Variants in CHST11 observed in about 807,000 individuals in gnomAD.
CHST11 encodes carbohydrate sulfotransferase 11, also known as C4S-1.
A neutral mutation model predicts 30.4 loss-of-function variants in CHST11; 9 were observed. That is an observed-to-expected ratio of 0.30 (90% CI 0.18 to 0.52). The LOEUF (loss-of-function observed/expected upper bound fraction) is 0.52. Among genes scored for constraint, CHST11 ranks in the 20% least tolerant of loss-of-function variants. CHST11 has a pLI of 0.97. For missense variants in CHST11, 348 were observed against 460.6 expected (o/e 0.76, Z 2.24); for synonymous variants, 152 against 187.8 (o/e 0.81, Z 1.56).
chr12:104,481,178 C>T (rs1351500127), intron 1 of CHST11, among the ~76,000 whole-genome samples: 1 of 152,176 alleles, frequency 6.6e-6, no homozygotes, highest in Non-Finnish European at 1.5e-5. Context: ...AAACCCAAAT[C>T]CTTAGCCTGA....
chr12:104,487,742 A>T (rs1319933500), intron 1 of CHST11, among the ~76,000 whole-genome samples: 6 of 138,594 alleles, frequency 4.3e-5, no homozygotes, highest in Admixed American at 7.1e-5. Context: ...TTTTTTTTTT[A>T]AACAAAGTGG....
intron 2 of CHST11, among the ~76,000 whole-genome samples, chr12:104,743,329 C>T (rs886835205): frequency 2.0e-5 from 3 of 152,150 alleles, no homozygotes; most frequent in Admixed American, 6.6e-5. Flanking sequence ...TGTGAGCCTT[C>T]CTAACTGCAC....
At chr12:104,644,896 T>C (rs2039411356) in intron 2 of CHST11, among the ~76,000 whole-genome samples, 1 of 152,242 alleles carries the variant, frequency 6.6e-6, no homozygotes, top group African/African-American at 2.4e-5. Context: ...GCCCATGGCT[T>C]ATCTGCATGA....
chr12:104,686,246 A>C (rs937327050), intron 2 of CHST11, among the ~76,000 whole-genome samples: 2 of 151,444 alleles, frequency 1.3e-5, no homozygotes, highest in African/African-American at 4.8e-5. Context: ...AAAAAAAAAA[A>C]AAAGACAACA....
At chr12:104,712,127 T>C (rs760563485) in intron 2 of CHST11, among the ~76,000 whole-genome samples, 1 of 152,182 alleles carries the variant, frequency 6.6e-6, no homozygotes, top group South Asian at 2.1e-4. Context: ...GTGTTCACCA[T>C]GCAGAAGGCG....
chr12:104,614,278 G>A (rs1173950292), intron 2 of CHST11, among the ~76,000 whole-genome samples: 1 of 152,190 alleles, frequency 6.6e-6, no homozygotes, highest in South Asian at 2.1e-4. Context: ...CTGGCCAGAC[G>A]CAGTGGCTCA....
intron 2 of CHST11, among the ~76,000 whole-genome samples, chr12:104,701,783 G>A (rs1002758939): frequency 1.5e-4 from 23 of 152,132 alleles, no homozygotes; most frequent in Admixed American, 6.5e-4. Context: ...GCCCCAGGCC[G>A]GTCTGTGTGT....
intron 1 of CHST11, among the ~76,000 whole-genome samples, chr12:104,526,222 AAAAAG>A (rs966983289): frequency 6.6e-6 from 1 of 150,618 alleles, no homozygotes; most frequent in Admixed American, 6.6e-5. Context: ...TCTTAAAAAA[AAAAAG>A]AAAAGAAAAG....
chr12:104,617,731 C>T (rs1293226395), intron 2 of CHST11, among the ~76,000 whole-genome samples: 2 of 152,134 alleles, frequency 1.3e-5, no homozygotes, highest in African/African-American at 4.8e-5. Context: ...ACTGGCAGAG[C>T]AATTTGGTGT....
chr12:104,592,954 G>A (rs906404125), intron 1 of CHST11, among the ~76,000 whole-genome samples: 3 of 152,138 alleles, frequency 2.0e-5, no homozygotes, highest in Non-Finnish European at 2.9e-5. Flanking sequence ...TCTCCTGGCC[G>A]GTAAATATTT....
chr12:104,718,794 A>G (rs2136124988), intron 2 of CHST11, among the ~76,000 whole-genome samples: 1 of 152,174 alleles, frequency 6.6e-6, no homozygotes, highest in Middle Eastern at 3.4e-3. Context: ...TCTCCCAGGA[A>G]CTCCTTAATG....
chr12:104,495,609 A>T (rs1262236657), intron 1 of CHST11, among the ~76,000 whole-genome samples: 1 of 152,226 alleles, frequency 6.6e-6, no homozygotes. Flanking sequence ...AATTAGTACT[A>T]ATAAAAATTG....
chr12:104,557,602 G>A (rs758016377), intron 1 of CHST11, among the ~76,000 whole-genome samples: 36 of 152,072 alleles, frequency 2.4e-4, no homozygotes, highest in Non-Finnish European at 3.8e-4. Flanking sequence ...AGGTGGTCAG[G>A]TGGGCAGGCC....
chr12:104,616,456 A>G (rs531905225), intron 2 of CHST11, among the ~76,000 whole-genome samples: 44 of 149,910 alleles, frequency 2.9e-4, no homozygotes, highest in African/African-American at 1.0e-3. Flanking sequence ...AGCCTGCCAA[A>G]GGGAAACTAC....
chr12:104,562,598 A>G (rs1419065631), intron 1 of CHST11, among the ~76,000 whole-genome samples: 1 of 152,174 alleles, frequency 6.6e-6, no homozygotes, highest in Non-Finnish European at 1.5e-5. Flanking sequence ...CCATTTCTCA[A>G]TGATATCAAA....
At chr12:104,494,124 G>C (rs760766404) in intron 1 of CHST11, among the ~76,000 whole-genome samples, 2 of 152,164 alleles carry the variant, frequency 1.3e-5, no homozygotes, top group Non-Finnish European at 2.9e-5. Flanking sequence ...ATGTCTGTAT[G>C]TGAAGCCACA....
intron 1 of CHST11, among the ~76,000 whole-genome samples, chr12:104,503,248 A>G (rs966730935): frequency 6.6e-6 from 1 of 152,144 alleles, no homozygotes; most frequent in African/African-American, 2.4e-5. Context: ...TTAACAGGTA[A>G]TGTGATTAAA....
At chr12:104,577,474 C>T (rs926614371) in intron 1 of CHST11, among the ~76,000 whole-genome samples, 2 of 151,928 alleles carry the variant, frequency 1.3e-5, no homozygotes, top group African/African-American at 4.8e-5. Flanking sequence ...GTGGGATTAT[C>T]GGGGTGGTAG....
At chr12:104,475,663 T>TAC in intron 1 of CHST11, among the ~76,000 whole-genome samples, 1 of 63,520 alleles carries the variant, frequency 1.6e-5, no homozygotes, top group Non-Finnish European at 3.1e-5. Flanking sequence ...CAGCATTATA[T>TAC]ATATATATAT....
Sources: gnomAD v4.1 joint callset for allele counts (sites outside exome capture counted in the v4.1 genomes callset) on GRCh38, gnomAD v4.1.1 for gene constraint, MANE v1.5 for transcripts, NCBI Gene and HGNC (gene_info 2026-07-23, HGNC 2026-07-21) for gene names.